Variants in CCSER1 observed in about 807,000 individuals in gnomAD.
CCSER1 encodes serine-rich coiled-coil domain-containing protein 1.
CCSER1 carries 41 observed loss-of-function variants against 82.0 expected under a neutral mutation model. That is an observed-to-expected ratio of 0.50 (90% CI 0.39 to 0.65). The LOEUF is 0.65. CCSER1 is among the 30% of genes least tolerant of loss of function. CCSER1 has a pLI of 0.00. For synonymous variants in CCSER1, 414 were observed against 383.9 expected (o/e 1.08, Z -0.92); for missense variants, 1,119 against 1,064.2 (o/e 1.05, Z -0.72).
intron 10 of CCSER1, among the ~76,000 whole-genome samples, chr4:91,114,623 T>C (rs907095935): frequency 5.3e-5 from 8 of 152,236 alleles, no homozygotes; most frequent in African/African-American, 1.9e-4. Context: ...CTCATCCTGC[T>C]TCCTGCTCTT....
In CCSER1 at chr4:90,799,539, G is replaced by C. The variant is rs144714890; in HGVS notation, c.2011-16223G>C. Among the ~76,000 whole-genome samples the C allele has an allele frequency of 4.6e-4, 70 of 152,224 alleles. 1 individual carries two copies. In the East Asian group the frequency reaches 0.011, roughly 25 times the overall value. Reference sequence around the variant, plus strand: ...CAATCCACCAGTGCAGAAGCTATGGGCTCCCAAGTAACCCGAGACTGCCCT... The same window carrying C: ...CAATCCACCAGTGCAGAAGCTATGGCCTCCCAAGTAACCCGAGACTGCCCT... On this transcript the variant is annotated intron_variant, in intron 7 of 10. Transcript: ENST00000509176.
chr4:90,968,210 AAAT>A (rs999182175), intron 9 of CCSER1, among the ~76,000 whole-genome samples: 9 of 151,684 alleles, frequency 5.9e-5, no homozygotes, highest in East Asian at 1.9e-4. Flanking sequence ...TATTAACATA[AAAT>A]AATAATAATA....
chr4:90,448,636 AT>A (rs1348313510), intron 4 of CCSER1, among the ~76,000 whole-genome samples: 1 of 151,210 alleles, frequency 6.6e-6, no homozygotes, highest in East Asian at 1.9e-4. Flanking sequence ...TATGTCAATA[AT>A]TTTTTTTCTG....
intron 6 of CCSER1, among the ~76,000 whole-genome samples, chr4:90,720,007 G>A (rs1167620963): frequency 6.6e-6 from 1 of 152,006 alleles, no homozygotes; most frequent in South Asian, 2.1e-4. Context: ...CTCTTCTCCC[G>A]ATTTATTTGC....
chr4:90,644,642 C>A (rs1579672240), intron 6 of CCSER1, among the ~76,000 whole-genome samples: 2 of 151,954 alleles, frequency 1.3e-5, no homozygotes, highest in Non-Finnish European at 1.5e-5. Context: ...CAACAGGCCC[C>A]AGTGCGTGTT....
intron 6 of CCSER1, among the ~76,000 whole-genome samples, chr4:90,633,569 A>G (rs745863421): frequency 1.3e-5 from 2 of 151,980 alleles, no homozygotes; most frequent in Admixed American, 6.6e-5. Flanking sequence ...GGTTATTTCC[A>G]TATGTACTCA....
At chr4:90,491,876 A>T (rs576576056) in intron 5 of CCSER1, among the ~76,000 whole-genome samples, 2 of 152,024 alleles carry the variant, frequency 1.3e-5, no homozygotes, top group African/African-American at 4.8e-5. Context: ...CCCACTTGAT[A>T]ATGGTTGATA....
intron 10 of CCSER1, among the ~76,000 whole-genome samples, chr4:91,538,444 A>T (rs1400047847): frequency 6.6e-6 from 1 of 151,546 alleles, no homozygotes; most frequent in Non-Finnish European, 1.5e-5. Flanking sequence ...CCAAAAAAAT[A>T]AAAAACAGCA....
intron 10 of CCSER1, among the ~76,000 whole-genome samples, chr4:91,263,783 C>CT (rs1560551894): frequency 6.6e-6 from 1 of 151,764 alleles, no homozygotes; most frequent in Non-Finnish European, 1.5e-5. Context: ...ATTGGAAAAT[C>CT]TTTTTTAAAT....
At chr4:90,863,989 A>G (rs1765418091) in intron 8 of CCSER1, among the ~76,000 whole-genome samples, 1 of 143,776 alleles carries the variant, frequency 7.0e-6, no homozygotes, top group Non-Finnish European at 1.5e-5. Flanking sequence ...ATTTTATTTT[A>G]TTTTATTTTA....
intron 5 of CCSER1, among the ~76,000 whole-genome samples, chr4:90,510,012 C>T (rs1349946270): frequency 6.6e-6 from 1 of 152,108 alleles, no homozygotes; most frequent in Non-Finnish European, 1.5e-5. Context: ...GTAGTAATGT[C>T]AGATTTTCAT....
intron 8 of CCSER1, among the ~76,000 whole-genome samples, chr4:90,887,611 C>T (rs879513873): frequency 5.9e-5 from 9 of 152,156 alleles, no homozygotes; most frequent in East Asian, 3.8e-4. Flanking sequence ...TGGCCAGGCA[C>T]GTTGGCTCAC....
At chr4:90,918,548 C>T (rs62312315) in intron 8 of CCSER1, among the ~76,000 whole-genome samples, 10,328 of 149,556 alleles carry the variant, frequency 0.069, 409 homozygotes, top group Admixed American at 0.13. Flanking sequence ...GCTTCCTCAG[C>T]GGCGTGTACT....
intron 5 of CCSER1, among the ~76,000 whole-genome samples, chr4:90,564,908 T>C (rs570615524): frequency 1.2e-4 from 19 of 152,318 alleles, no homozygotes; most frequent in African/African-American, 4.6e-4. Flanking sequence ...TGCCACACTC[T>C]TTCGTAACTT....
chr4:90,900,176 C>T lies in CCSER1; in HGVS notation c.2095-23194C>T, dbSNP rs369854194. ...ATTGGTAGGCTCAGAGTTTCAGTTT[C>T]TTCCTGGTTCAATTTTTAGAGGTGG... On this transcript the variant is annotated intron_variant, in intron 8 of 10. Coordinates refer to ENST00000509176, the MANE Select transcript of CCSER1 (RefSeq NM_001145065.2). 4.1e-5 allele frequency among the ~76,000 whole-genome samples: 5 copies of T among 121,764 alleles called. No homozygotes were observed. The East Asian group carries it at 7.9e-4, about 19-fold the overall frequency. The allele number at this position is 121,764 out of a possible 152,430, so 79.9% of individuals were successfully genotyped here.
intron 10 of CCSER1, among the ~76,000 whole-genome samples, chr4:91,558,313 T>A (rs1762496570): frequency 6.6e-6 from 1 of 151,642 alleles, no homozygotes; most frequent in African/African-American, 2.4e-5. Flanking sequence ...TGGAGATAAA[T>A]GTACTTCCTC....
intron 1 of CCSER1, among the ~76,000 whole-genome samples, chr4:90,143,759 A>C (rs1248593775): frequency 1.4e-5 from 2 of 147,842 alleles, no homozygotes; most frequent in Non-Finnish European, 3.0e-5. Flanking sequence ...ATCATAGCTC[A>C]CTGCAGCCTT....
chr4:91,534,699 A>G (rs1005259643), intron 10 of CCSER1, among the ~76,000 whole-genome samples: 2 of 151,954 alleles, frequency 1.3e-5, no homozygotes, highest in Admixed American at 6.6e-5. Flanking sequence ...TATTAATTCA[A>G]TTTTTATGTG....
At chr4:90,718,742 A>G (rs1742136513) in intron 6 of CCSER1, among the ~76,000 whole-genome samples, 1 of 152,180 alleles carries the variant, frequency 6.6e-6, no homozygotes, top group African/African-American at 2.4e-5. Context: ...TTATAACAAT[A>G]AATAGCCTGG....
Sources: gnomAD v4.1 joint callset for allele counts (sites outside exome capture counted in the v4.1 genomes callset) on GRCh38, gnomAD v4.1.1 for gene constraint, MANE v1.5 for transcripts, NCBI Gene and HGNC (gene_info 2026-07-23, HGNC 2026-07-21) for gene names.